Variants in KIF16B observed in about 807,000 individuals in gnomAD.
KIF16B encodes kinesin family member 16B, also known as kinesin-like protein KIF16B.
Under a neutral mutation model 156.3 loss-of-function variants are expected in KIF16B, and 98 were observed. The ratio of observed to expected loss-of-function variants is 0.63; its 90% confidence interval spans 0.53 to 0.74. KIF16B has a LOEUF of 0.74. Among genes scored for constraint, KIF16B ranks in the 30% least tolerant of loss-of-function variants. The pLI is 0.00. For synonymous variants in KIF16B, 564 were observed against 583.7 expected (o/e 0.97, Z 0.49); for missense variants, 1,421 against 1,606.5 (o/e 0.88, Z 1.97).
intron 15 of KIF16B, among the ~76,000 whole-genome samples, chr20:16,408,437 A>G (rs1228624283): frequency 2.0e-5 from 3 of 152,166 alleles, no homozygotes. Flanking sequence ...AGGACTACAT[A>G]GTAAGCCAAA....
intron 18 of KIF16B, 94 bp downstream of exon 18, chr20:16,381,600 A>C: frequency 1.2e-6 from 1 of 835,562 alleles, no homozygotes; most frequent in Non-Finnish European, 1.9e-6. Flanking sequence ...GCAAGGGGGA[A>C]GTATTGAAGC....
At position 16,492,846 on chromosome 20, in the gene KIF16B, T is replaced by TTTTA. The variant is rs562814638; in HGVS notation, c.1302+1441_1302+1444dup. ...TTTTTTTTTCCTTAAGTAAAGTAGA[T>TTTTA]TTTAGTCCTCCCTCTTTGACAAATT... On this transcript the variant is annotated intron_variant, in intron 12 of 25. Transcript: ENST00000354981. 2.9e-4 allele frequency among the ~76,000 whole-genome samples: 44 copies of TTTTA among 152,240 alleles called. No homozygotes were observed. In the East Asian group the frequency reaches 8.1e-3, roughly 28 times the overall value.
rs367651977 is a variant in KIF16B at position 16,374,250 on chromosome 20, C to A, written c.3350+7G>T. On this transcript the variant is annotated splice_region_variant and intron_variant, in intron 20 of 25. Transcript: ENST00000354981. ...GAGAAGCCTGGAATCACTTTCATGT[C>A]CAGTACCTGGCATCCATGAGGGGAA... 2 of 1,553,348 alleles carry A rather than the reference C, an allele frequency of 1.3e-6. No individual in the cohort carries two copies. Among genetic ancestry groups the A allele is most frequent in the African/African-American group, 2.7e-5 (2 of 73,068 alleles).
chr20:16,495,768 T>C (rs542738938), intron 11 of KIF16B, among the ~76,000 whole-genome samples: 36 of 152,208 alleles, frequency 2.4e-4, no homozygotes, highest in African/African-American at 8.2e-4. Flanking sequence ...CGGCTCACCA[T>C]AGCCTCTACC....
intron 12 of KIF16B, among the ~76,000 whole-genome samples, chr20:16,451,774 CTT>C (rs138961313): frequency 6.6e-6 from 1 of 151,486 alleles, no homozygotes; most frequent in Non-Finnish European, 1.5e-5. Flanking sequence ...GGGGACCAAA[CTT>C]TTTTTTTATT....
chr20:16,425,766 C>T (rs1206301290), intron 15 of KIF16B, among the ~76,000 whole-genome samples: 1 of 152,048 alleles, frequency 6.6e-6, no homozygotes, highest in Non-Finnish European at 1.5e-5. Context: ...ATATTCTTGC[C>T]AAAAATGCAT....
At chr20:16,414,777 C>A (rs779016783) in intron 15 of KIF16B, among the ~76,000 whole-genome samples, 19 of 152,084 alleles carry the variant, frequency 1.2e-4, no homozygotes, top group Non-Finnish European at 1.5e-4. Context: ...TTTTTCTTAA[C>A]ACCTCATGCG....
chr20:16,356,307 A>C, intron 23 of KIF16B, 23 bp downstream of exon 23: 1 of 1,613,922 alleles, frequency 6.2e-7, no homozygotes, highest in Non-Finnish European at 8.5e-7. Flanking sequence ...TCCATTCTCC[A>C]GAAGAGTCAA....
intron 23 of KIF16B, among the ~76,000 whole-genome samples, chr20:16,337,156 C>T (rs573364191): frequency 3.1e-4 from 47 of 152,190 alleles, no homozygotes; most frequent in African/African-American, 1.1e-3. Context: ...TCCCTGAATG[C>T]GCATATTCTC....
At chr20:16,282,038 T>C (rs1305486899) in intron 25 of KIF16B, among the ~76,000 whole-genome samples, 15 of 148,634 alleles carry the variant, frequency 1.0e-4, no homozygotes, top group Non-Finnish European at 1.9e-4. Flanking sequence ...GTTTCTTTTT[T>C]TTTTTTTTTT....
chr20:16,406,024 G>A (rs1397918988), intron 16 of KIF16B, among the ~76,000 whole-genome samples: 1 of 152,126 alleles, frequency 6.6e-6, no homozygotes, highest in Non-Finnish European at 1.5e-5. Flanking sequence ...TTGGATTAAT[G>A]TGATTCCAAT....
intron 12 of KIF16B, among the ~76,000 whole-genome samples, chr20:16,472,001 T>A (rs747364404): frequency 1.3e-5 from 2 of 152,338 alleles, no homozygotes; most frequent in Middle Eastern, 3.4e-3. Flanking sequence ...TGGCCTAATG[T>A]TAACATGAAA....
intron 2 of KIF16B, among the ~76,000 whole-genome samples, chr20:16,527,675 C>T (rs2069598414): frequency 6.6e-6 from 1 of 152,278 alleles, no homozygotes; most frequent in South Asian, 2.1e-4. Context: ...CTCCTGGGCT[C>T]AAGTGATCCT....
chr20:16,307,882 A>C (rs1161028108), intron 25 of KIF16B, among the ~76,000 whole-genome samples: 1 of 152,158 alleles, frequency 6.6e-6, no homozygotes, highest in East Asian at 1.9e-4. Flanking sequence ...CACATTTATT[A>C]GAACTCAATT....
rs984069748 is a variant in KIF16B, at chr20:16,374,139, C to T, written c.3350+118G>A. On this transcript the variant is annotated intron_variant, in intron 20 of 25. Coordinates refer to ENST00000354981, the MANE Select transcript of KIF16B (RefSeq NM_024704.5). ...ATGAAGGCAGAGCACATCTCAAGCACGTGTATTACTTGTTGCCCTTAATAG... is the reference window on the plus strand; with the variant it reads ...ATGAAGGCAGAGCACATCTCAAGCATGTGTATTACTTGTTGCCCTTAATAG... The T allele has an allele frequency of 2.2e-5, 22 of 982,688 alleles. No homozygotes were observed. The South Asian group carries it at 3.3e-4, about 15-fold the overall frequency. 60.9% of individuals were successfully genotyped at this position (982,688 alleles called of 1,614,324 possible).
chr20:16,513,173 T>G (rs16997784), intron 4 of KIF16B, among the ~76,000 whole-genome samples: 8,792 of 152,212 alleles, frequency 0.058, 369 homozygotes, highest in East Asian at 0.13. Context: ...AAATCATGGC[T>G]TACAAACAAG....
At chr20:16,359,463 T>C (rs984431897) in intron 22 of KIF16B, among the ~76,000 whole-genome samples, 1 of 152,160 alleles carries the variant, frequency 6.6e-6, no homozygotes, top group African/African-American at 2.4e-5. Flanking sequence ...TGCTATACTT[T>C]CTACACAGCC....
At chr20:16,372,091 G>A (rs1393147951) in intron 20 of KIF16B, among the ~76,000 whole-genome samples, 3 of 152,162 alleles carry the variant, frequency 2.0e-5, no homozygotes, top group Admixed American at 6.5e-5. Flanking sequence ...AAGGCTCTGC[G>A]GTCTCTAATC....
At chr20:16,468,501 T>G (rs1452421555) in intron 12 of KIF16B, among the ~76,000 whole-genome samples, 5 of 130,546 alleles carry the variant, frequency 3.8e-5, no homozygotes, top group African/African-American at 6.1e-5. Flanking sequence ...GCTGGAACCC[T>G]GGGGGAGGAG....
Sources: allele counts gnomAD v4.1 joint callset (sites outside exome capture counted in the v4.1 genomes callset), GRCh38; gene constraint gnomAD v4.1.1; transcripts MANE v1.5; gene names NCBI Gene and HGNC (gene_info 2026-07-23, HGNC 2026-07-21).